The following EPHB2 variants were observed in gnomAD, a reference collection of about 807,000 sequenced individuals.
EPHB2 encodes the protein ephrin type-B receptor 2.
A neutral mutation model predicts 96.4 loss-of-function variants in EPHB2; 18 were observed. The ratio of observed to expected loss-of-function variants is 0.19; its 90% CI spans 0.13 to 0.28. EPHB2 has a LOEUF of 0.28. Ranked by LOEUF, EPHB2 falls within the 10% of genes least tolerant of loss-of-function variation. The pLI is 1.00. For missense variants in EPHB2, 989 were observed against 1,355.4 expected (o/e 0.73, Z 4.25); for synonymous variants, 506 against 534.1 (o/e 0.95, Z 0.72).
chr1:22,842,830 T>TC (rs1215031405), intron 3 of EPHB2, among the ~76,000 whole-genome samples: 2 of 151,330 alleles, frequency 1.3e-5, no homozygotes, highest in Non-Finnish European at 2.9e-5. Flanking sequence ...TTCCCTGCAC[T>TC]CCCCCTCTAA....
intron 1 of EPHB2, among the ~76,000 whole-genome samples, chr1:22,711,430 G>A (rs1030174762): frequency 1.5e-4 from 23 of 149,664 alleles, no homozygotes; most frequent in South Asian, 4.2e-4. Flanking sequence ...GCGGGGGGCG[G>A]GGGGGGCGCC....
intron 1 of EPHB2, among the ~76,000 whole-genome samples, chr1:22,753,718 G>A (rs535405795): frequency 2.0e-5 from 3 of 152,256 alleles, no homozygotes; most frequent in South Asian, 2.1e-4. Context: ...ACAGTTTGTC[G>A]GGGAGCTTGA....
chr1:22,900,582 C>T (rs551717477), intron 9 of EPHB2, among the ~76,000 whole-genome samples: 16 of 152,238 alleles, frequency 1.1e-4, no homozygotes, highest in Admixed American at 1.0e-3. Flanking sequence ...TTCTGCTGAG[C>T]TGGAATGGGA....
At chr1:22,731,750 G>C (rs1466744781) in intron 1 of EPHB2, among the ~76,000 whole-genome samples, 1 of 152,140 alleles carries the variant, frequency 6.6e-6, no homozygotes, top group Non-Finnish European at 1.5e-5. Context: ...TGAGGCAGGA[G>C]AATCGCTTGA....
intron 1 of EPHB2, among the ~76,000 whole-genome samples, chr1:22,764,951 G>A (rs536402037): frequency 2.0e-5 from 3 of 152,206 alleles, no homozygotes; most frequent in Non-Finnish European, 2.9e-5. Flanking sequence ...CAGGGGCTGC[G>A]GTTGGGGCAG....
rs1192480703 is a variant in EPHB2, at chr1:22,718,967, C to T, written c.61+7924C>T. ...TTGGCTCTGATGAGGGTCTCTAAGG[C>T]AGCTGTCCAGCTTCCAGCTCCATCA... On this transcript the variant is annotated intron_variant, in intron 1 of 15. Coordinates refer to ENST00000374630, the MANE Select transcript of EPHB2 (RefSeq NM_017449.5). Among the ~76,000 whole-genome samples the T allele has an allele frequency of 2.6e-5, 4 of 152,174 alleles. No individual in the cohort carries two copies. The East Asian group carries it at 5.8e-4, about 22-fold the overall frequency.
In EPHB2 at chr1:22,919,049, C is replaced by T. The variant is rs547539595; in HGVS notation, c.*5479C>T. On this transcript the variant is annotated 3_prime_UTR_variant, in exon 16 of 16. Coordinates refer to ENST00000374630, the MANE Select transcript of EPHB2 (RefSeq NM_017449.5). Reference sequence around the variant, plus strand: ...GGCTATTTATTGTTTAACTTGCAGACTCCTGGGCGCCACCCCAACCCCCTA... The same window carrying T: ...GGCTATTTATTGTTTAACTTGCAGATTCCTGGGCGCCACCCCAACCCCCTA... The T allele has an allele frequency of 1.2e-3, 187 of 152,286 alleles. No individual in the cohort carries two copies. Among genetic ancestry groups the T allele is most frequent in the African/African-American group, 4.1e-3 (169 of 41,558 alleles). 9.4% of individuals were successfully genotyped at this position (152,286 alleles called of 1,614,324 possible).
At chr1:22,793,708 G>A (rs947773454) in intron 3 of EPHB2, among the ~76,000 whole-genome samples, 1 of 152,086 alleles carries the variant, frequency 6.6e-6, no homozygotes, top group South Asian at 2.1e-4. Flanking sequence ...GAGGTGAAAG[G>A]TGCCACCTGT....
At chr1:22,809,971 C>A (rs2148459958) in intron 3 of EPHB2, among the ~76,000 whole-genome samples, 1 of 152,318 alleles carries the variant, frequency 6.6e-6, no homozygotes, top group Non-Finnish European at 1.5e-5. Flanking sequence ...ACTTAGGAAA[C>A]AAACCTTGTG....
chr1:22,735,160 C>T (rs1381405577), intron 1 of EPHB2, among the ~76,000 whole-genome samples: 1 of 152,124 alleles, frequency 6.6e-6, no homozygotes, highest in Admixed American at 6.6e-5. Flanking sequence ...CGGTGGCTCA[C>T]TCCTATAATC....
At chr1:22,781,353 G>A (rs1644529422) in intron 1 of EPHB2, 68 bp from the exon 2 acceptor site, 4 of 1,446,936 alleles carry the variant, frequency 2.8e-6, no homozygotes, top group African/African-American at 1.4e-5. Flanking sequence ...GAAGGATGAG[G>A]GCCCAACAGA....
At chr1:22,754,053 G>A (rs1462866837) in intron 1 of EPHB2, among the ~76,000 whole-genome samples, 2 of 152,198 alleles carry the variant, frequency 1.3e-5, no homozygotes, top group East Asian at 1.9e-4. Flanking sequence ...CCAGGCCGCT[G>A]TAAGGACCCC....
At chr1:22,865,377 T>G (rs1277178509) in intron 5 of EPHB2, among the ~76,000 whole-genome samples, 165 bp downstream of exon 5, 1 of 152,214 alleles carries the variant, frequency 6.6e-6, no homozygotes, top group East Asian at 1.9e-4. Context: ...ACCTCTTCAT[T>G]GTAGTGGTAT....
At chr1:22,720,807 G>A (rs985254680) in intron 1 of EPHB2, among the ~76,000 whole-genome samples, 1 of 152,036 alleles carries the variant, frequency 6.6e-6, no homozygotes. Context: ...TGCAATAAAC[G>A]AACCTAAAAT....
rs766609166 is a variant in EPHB2, at chr1:22,913,537, G to A, written c.2928G>A (p.Ala976=). The change falls in exon 16 of 16, where the codon GCG becomes GCA. Residue 976 remains alanine, a synonymous_variant. Transcript: ENST00000374630. The surrounding 1 kb of genome is among the most constrained non-coding windows in gnomAD (Gnocchi z 4.1). ...TGAACAGTATCCAGGTGATGCGGGC[G>A]CAGATGAACCAGATTCAGTCTGTGG... ...KILNSIQVMR[A]QMNQIQSVEV 6.8e-6 allele frequency: 11 copies of A among 1,614,066 alleles called. No individual in the cohort carries two copies. Among genetic ancestry groups the A allele is most frequent in the East Asian group, 4.5e-5 (2 of 44,894 alleles).
chr1:22,823,616 A>G (rs1359259922), intron 3 of EPHB2, among the ~76,000 whole-genome samples: 1 of 152,238 alleles, frequency 6.6e-6, no homozygotes, highest in African/African-American at 2.4e-5. Context: ...ATATATAATA[A>G]TAGAAGTAGG....
At chr1:22,742,757 C>T (rs1302143051) in intron 1 of EPHB2, among the ~76,000 whole-genome samples, 1 of 151,994 alleles carries the variant, frequency 6.6e-6, no homozygotes, top group East Asian at 1.9e-4. Flanking sequence ...CCCACCTCAG[C>T]CTCCCAAGGA....
chr1:22,788,812 T>G (rs1361674824), intron 3 of EPHB2, among the ~76,000 whole-genome samples: 1 of 149,546 alleles, frequency 6.7e-6, no homozygotes, highest in Non-Finnish European at 1.5e-5. Context: ...TGGAGCGTAG[T>G]GGTGCAGTCT....
At chr1:22,720,332 A>G (rs1396795984) in intron 1 of EPHB2, among the ~76,000 whole-genome samples, 2 of 152,194 alleles carry the variant, frequency 1.3e-5, no homozygotes, top group African/African-American at 4.8e-5. Flanking sequence ...TTTATCCTTG[A>G]AGAGAAGTCC....
Sources: gnomAD v4.1 joint callset for allele counts (sites outside exome capture counted in the v4.1 genomes callset) on GRCh38, gnomAD v4.1.1 for gene constraint, Gnocchi (gnomAD v3.1) non-coding constraint, MANE v1.5 for transcripts, NCBI Gene and HGNC (gene_info 2026-07-23, HGNC 2026-07-21) for gene names.